Variants in ADARB2 observed in about 807,000 individuals in gnomAD.
ADARB2 encodes the protein adenosine deaminase RNA specific B2 (inactive).
Under a neutral mutation model 62.2 loss-of-function variants are expected in ADARB2, and 25 were observed. The observed-to-expected ratio is 0.40, with a 90% confidence interval of 0.29 to 0.56. ADARB2 has a LOEUF of 0.56. ADARB2 is among the 20% of genes least tolerant of loss of function. ADARB2 has a pLI of 0.43. For synonymous variants in ADARB2, 572 were observed against 500.8 expected, an observed-to-expected ratio of 1.14 and a Z score of -1.90; for missense variants, 1,071 against 1,077.4, an observed-to-expected ratio of 0.99 and a Z score of 0.08.
intron 7 of ADARB2, among the ~76,000 whole-genome samples, chr10:1,214,516 A>G (rs1476134418): frequency 9.1e-6 from 1 of 109,968 alleles, no homozygotes; most frequent in Admixed American, 8.8e-5. Flanking sequence ...TTGCACCTGT[A>G]CCCAGCGTCG....
At chr10:1,314,917 G>C (rs1426104260) in intron 3 of ADARB2, among the ~76,000 whole-genome samples, 1 of 152,174 alleles carries the variant, frequency 6.6e-6, no homozygotes, top group Non-Finnish European at 1.5e-5. Flanking sequence ...AAATTCCCCA[G>C]AATTTATTTT....
intron 1 of ADARB2, among the ~76,000 whole-genome samples, chr10:1,629,609 T>C (rs1342427986): frequency 7.3e-6 from 1 of 136,234 alleles, no homozygotes; most frequent in Non-Finnish European, 1.5e-5. Flanking sequence ...GCCGGGTGCT[T>C]CCGCTCTGGG....
intron 1 of ADARB2, chr10:1,526,768 A>C (rs749386373): frequency 1.2e-5 from 6 of 485,610 alleles, no homozygotes; most frequent in South Asian, 9.0e-5. Flanking sequence ...ACTGAGCCGG[A>C]TGACATGAAG....
chr10:1,345,185 G>T (rs775916542), intron 3 of ADARB2, among the ~76,000 whole-genome samples: 1 of 152,102 alleles, frequency 6.6e-6, no homozygotes, highest in Non-Finnish European at 1.5e-5. Flanking sequence ...CTGTCACGGT[G>T]GTCCCCCCTC....
Position 1,183,051 on chromosome 10 carries a change from T to G in ADARB2, c.*142A>C. 1.0e-6 allele frequency: 1 copy of G among 961,128 alleles called. No individual in the cohort carries two copies. The highest frequency in any genetic ancestry group is 2.6e-5 in the East Asian group (1 of 37,878). 59.5% of individuals were successfully genotyped at this position (961,128 alleles called of 1,614,324 possible). On this transcript the variant is annotated 3_prime_UTR_variant, in exon 10 of 10. Transcript: ENST00000381312. ...CGTTCTGAATTTGTGTTGTTGCTCG[T>G]CCAAACATTGCACACTCGCGTGTTT... is the stretch of plus-strand genomic sequence containing the variant.
intron 1 of ADARB2, among the ~76,000 whole-genome samples, chr10:1,604,789 A>G (rs1833474198): frequency 1.3e-5 from 2 of 152,152 alleles, no homozygotes; most frequent in African/African-American, 4.8e-5. Flanking sequence ...TGTCTGGTGT[A>G]TTTTATTTGG....
intron 5 of ADARB2, chr10:1,240,339 T>C (rs888658925): frequency 2.0e-5 from 3 of 151,950 alleles, no homozygotes; most frequent in Non-Finnish European, 2.9e-5. Flanking sequence ...TCCCGGTGTT[T>C]ACTCCCTGTG....
At chr10:1,650,315 T>G (rs779952311) in intron 1 of ADARB2, among the ~76,000 whole-genome samples, 3 of 152,162 alleles carry the variant, frequency 2.0e-5, no homozygotes, top group Non-Finnish European at 4.4e-5. Context: ...AAATTCTGGG[T>G]TTGCAAGGGG....
rs547563713 is a variant in ADARB2, at chr10:1,694,848, T to C, written c.100+42203A>G. Among the ~76,000 whole-genome samples, 229 of 152,198 alleles carry C rather than the reference T, an allele frequency of 1.5e-3. 6 individuals carry two copies. Among genetic ancestry groups the C allele is most frequent in the Middle Eastern group, 3.4e-3 (1 of 294 alleles). The stretch of plus-strand genomic sequence containing the variant: ...TGTCTGGGAGTGGGGTCTTCATGAC[T>C]CACAGCAAAGGTGAGGCCTGTGGGT... On this transcript the variant is annotated intron_variant, in intron 1 of 9. Transcript: ENST00000381312.
rs143050374 is a variant in ADARB2 at position 1,190,219 on chromosome 10, C to A, written c.1865-5180G>T. On this transcript the variant is annotated intron_variant, in intron 8 of 9. Coordinates refer to ENST00000381312, the MANE Select transcript of ADARB2 (RefSeq NM_018702.4). ...CTCCCAAGAAATTGCACACAGATAC[C>A]CCAGTGCTGTGGACAAACACGTACA... is the stretch of plus-strand genomic sequence containing the variant. Among the ~76,000 whole-genome samples the A allele has an allele frequency of 5.8e-3, 885 of 152,150 alleles. 19 individuals carry two copies. The highest frequency in any genetic ancestry group is 0.02 in the African/African-American group (822 of 41,408).
intron 3 of ADARB2, among the ~76,000 whole-genome samples, chr10:1,288,846 C>T (rs551292400): frequency 3.2e-4 from 49 of 152,310 alleles, no homozygotes; most frequent in Admixed American, 6.5e-4. Flanking sequence ...ACATGTGACG[C>T]GGTTGTCTAA....
At chr10:1,473,075 C>T (rs939970916) in intron 1 of ADARB2, among the ~76,000 whole-genome samples, 12 of 152,244 alleles carry the variant, frequency 7.9e-5, no homozygotes, top group East Asian at 7.7e-4. Context: ...GGGGAAGGAA[C>T]GTGGGGCCCT....
chr10:1,585,845 T>G (rs908669767), intron 1 of ADARB2, among the ~76,000 whole-genome samples: 1 of 152,082 alleles, frequency 6.6e-6, no homozygotes, highest in Non-Finnish European at 1.5e-5. Context: ...CCATCCTGGC[T>G]AACACGGTGA....
chr10:1,283,205 T>C (rs896298345), intron 3 of ADARB2, among the ~76,000 whole-genome samples: 5 of 152,248 alleles, frequency 3.3e-5, no homozygotes, highest in African/African-American at 9.6e-5. Flanking sequence ...CCTGTACATG[T>C]CATACATGTG....
Position 1,552,821 on chromosome 10 carries a change from G to A in ADARB2, c.101-173661C>T, listed in dbSNP as rs61831944. Among the ~76,000 whole-genome samples the A allele has an allele frequency of 8.3e-3, 1,258 of 152,342 alleles. 13 individuals carry two copies. Among genetic ancestry groups the A allele is most frequent in the Non-Finnish European group, 0.013 (887 of 68,030 alleles). On this transcript the variant is annotated intron_variant, in intron 1 of 9. Coordinates refer to ENST00000381312, the MANE Select transcript of ADARB2 (RefSeq NM_018702.4). ...GTCCTGCCGGACACTCACCCCTGGC[G>A]GAAATGGAATGGATCCTTGTGGTCT...
chr10:1,263,958 A>G (rs1478801264), intron 4 of ADARB2, among the ~76,000 whole-genome samples: 1 of 152,228 alleles, frequency 6.6e-6, no homozygotes, highest in African/African-American at 2.4e-5. Flanking sequence ...AAGGGTCAGC[A>G]CCGGTTTAGT....
chr10:1,696,586 T>C (rs1219149825), intron 1 of ADARB2, among the ~76,000 whole-genome samples: 1 of 152,186 alleles, frequency 6.6e-6, no homozygotes, highest in East Asian at 1.9e-4. Context: ...GGTAGACATT[T>C]AGGCCTGGCA....
chr10:1,472,286 G>A (rs1368063080), intron 1 of ADARB2, among the ~76,000 whole-genome samples: 1 of 152,254 alleles, frequency 6.6e-6, no homozygotes, highest in Non-Finnish European at 1.5e-5. Flanking sequence ...GGGCAAGGGT[G>A]GCCACAGGAG....
chr10:1,502,077 A>G (rs903263671), intron 1 of ADARB2, among the ~76,000 whole-genome samples: 14 of 152,250 alleles, frequency 9.2e-5, no homozygotes, highest in Non-Finnish European at 1.8e-4. Flanking sequence ...ATCACTGACC[A>G]CCAGGTAAAC....
Sources: gnomAD v4.1 joint callset for allele counts (sites outside exome capture counted in the v4.1 genomes callset) on GRCh38, gnomAD v4.1.1 for gene constraint, MANE v1.5 for transcripts, NCBI Gene and HGNC (gene_info 2026-07-23, HGNC 2026-07-21) for gene names.